CTTNBP2: variants seen among roughly 807,000 people sequenced by gnomAD.
The protein encoded by CTTNBP2 is cortactin binding protein 2, also known as cortactin-binding protein 2.
CTTNBP2 carries 108 observed loss-of-function variants against 156.9 expected under a neutral mutation model. The ratio of observed to expected loss-of-function variants is 0.69; its 90% CI spans 0.59 to 0.81. The LOEUF is 0.81. CTTNBP2 is among the 30% of genes least tolerant of loss of function. The pLI, the probability that CTTNBP2 is intolerant of heterozygous loss-of-function variation, is 0.00. For synonymous variants in CTTNBP2, 767 were observed against 751.8 expected (o/e 1.02, Z -0.33); for missense variants, 1,924 against 2,035.4 (o/e 0.95, Z 1.05).
At position 117,710,749 on chromosome 7, in the gene CTTNBP2, T is replaced by C. The variant is rs777634567; in HGVS notation, c.*788A>G. The C allele has an allele frequency of 6.7e-6, 1 of 149,822 alleles. No individual in the cohort carries two copies. Among genetic ancestry groups the C allele is most frequent in the African/African-American group, 2.5e-5 (1 of 40,438 alleles). 9.3% of individuals were successfully genotyped at this position (149,822 alleles called of 1,614,324 possible). On this transcript the variant is annotated 3_prime_UTR_variant, in exon 23 of 23. Coordinates refer to ENST00000160373, the MANE Select transcript of CTTNBP2 (RefSeq NM_033427.3). ...TTAGAAGTAACATTTGTAGAAAATA[T>C]CAATATTATCAGTTGTGCTACTAGA...
intron 8 of CTTNBP2, among the ~76,000 whole-genome samples, chr7:117,770,843 G>C (rs1163268338): frequency 2.0e-5 from 3 of 152,162 alleles, no homozygotes; most frequent in Non-Finnish European, 4.4e-5. Context: ...CCTGCTTCTG[G>C]AAATAGAGTC....
At chr7:117,801,109 G>C (rs1446062917) in intron 3 of CTTNBP2, among the ~76,000 whole-genome samples, 1 of 152,058 alleles carries the variant, frequency 6.6e-6, no homozygotes, top group East Asian at 1.9e-4. Context: ...CAAGTAAACA[G>C]GGGAGAAAGA....
intron 8 of CTTNBP2, among the ~76,000 whole-genome samples, chr7:117,772,060 C>T (rs949786680): frequency 5.3e-5 from 8 of 152,184 alleles, no homozygotes; most frequent in African/African-American, 1.9e-4. Flanking sequence ...AAGGCCAGAT[C>T]AGGAAGGGAC....
rs1180549662 is a variant in CTTNBP2, at chr7:117,846,565, GAAAAAAGAAA to G, written c.189+14634_189+14643del. 1.1e-4 allele frequency among the ~76,000 whole-genome samples: 16 copies of G among 147,994 alleles called. No individual in the cohort carries two copies. The South Asian group carries it at 1.5e-3, about 14-fold the overall frequency. ...CAGAGTCATTGTTCATGTACCAAAA[GAAAAAAGAAA>G]AAAAAAGAAATATACTTTAAAATAT... On this transcript the variant is annotated intron_variant, in intron 2 of 22. Coordinates refer to ENST00000160373, the MANE Select transcript of CTTNBP2 (RefSeq NM_033427.3).
chr7:117,720,969 T>C (rs1794757246), intron 20 of CTTNBP2, 98 bp downstream of exon 20: 1 of 817,984 alleles, frequency 1.2e-6, no homozygotes. Flanking sequence ...ATTAACATAA[T>C]AGTCATTCAA....
chr7:117,749,259 A>G (rs1796497799), intron 12 of CTTNBP2, among the ~76,000 whole-genome samples: 1 of 152,184 alleles, frequency 6.6e-6, no homozygotes, highest in Non-Finnish European at 1.5e-5. Flanking sequence ...GCAGGAAACC[A>G]GGATGTGTGG....
chr7:117,728,414 T>G, intron 16 of CTTNBP2, 147 bp from the exon 17 acceptor site: 15 of 601,626 alleles, frequency 2.5e-5, no homozygotes, highest in Non-Finnish European at 3.5e-5. Context: ...GAAGGAGGGA[T>G]AATAACACAT....
intron 2 of CTTNBP2, among the ~76,000 whole-genome samples, chr7:117,854,350 A>G (rs1352992447): frequency 6.6e-6 from 1 of 152,232 alleles, no homozygotes; most frequent in East Asian, 1.9e-4. Context: ...ACTTAGCTGA[A>G]ACCAATAAAA....
intron 20 of CTTNBP2, among the ~76,000 whole-genome samples, chr7:117,720,311 C>T (rs1794711029): frequency 6.6e-6 from 1 of 152,130 alleles, no homozygotes; most frequent in Admixed American, 6.6e-5. Flanking sequence ...TACAAACTGC[C>T]TAAACATTTC....
At chr7:117,864,707 CAT>C (rs895658556) in intron 1 of CTTNBP2, among the ~76,000 whole-genome samples, 2 of 89,830 alleles carry the variant, frequency 2.2e-5, no homozygotes, top group Admixed American at 1.0e-4. Context: ...TTCATATATT[CAT>C]ATATATTCAT....
At chr7:117,775,234 T>C (rs996259549) in intron 8 of CTTNBP2, among the ~76,000 whole-genome samples, 1 of 152,170 alleles carries the variant, frequency 6.6e-6, no homozygotes, top group Admixed American at 6.5e-5. Context: ...TTGGCAGTCA[T>C]GCCCACTTAA....
At chr7:117,801,730 T>C (rs1435431655) in intron 3 of CTTNBP2, among the ~76,000 whole-genome samples, 3 of 152,166 alleles carry the variant, frequency 2.0e-5, no homozygotes, top group South Asian at 2.1e-4. Context: ...TCTGTGTGTG[T>C]GCGCTCACGC....
At chr7:117,844,884 A>G (rs1431796714) in intron 2 of CTTNBP2, among the ~76,000 whole-genome samples, 1 of 152,166 alleles carries the variant, frequency 6.6e-6, no homozygotes, top group Non-Finnish European at 1.5e-5. Context: ...TGAAACTGAA[A>G]GCAGCTGAGA....
rs1301550777 is a variant in CTTNBP2, at chr7:117,792,582, T to G, written c.614A>C (p.Lys205Thr). 5 of 1,614,078 alleles carry G rather than the reference T, an allele frequency of 3.1e-6. No individual in the cohort carries two copies. The African/African-American group carries it at 6.7e-5, about 22-fold the overall frequency. ...GAGTTCCTCTTCTAATTCATTCGTC[T>G]TTTTCTTTTCCTCTTCCAGTTTGGC... ...VMAKLEEEKK[K>T]TNELEEELSA... is the part of the protein sequence containing the mutation. The change falls in exon 4 of 23, where the codon AAG becomes ACG. Residue 205 changes from lysine (K) to threonine (T), a missense_variant. Coordinates refer to ENST00000160373, the MANE Select transcript of CTTNBP2 (RefSeq NM_033427.3). This position sits in a 1 kb window ranked among gnomAD's most constrained non-coding sequence, Gnocchi z 4.2.
intron 19 of CTTNBP2, among the ~76,000 whole-genome samples, chr7:117,723,977 G>A (rs1381667063): frequency 2.0e-5 from 3 of 151,818 alleles, no homozygotes; most frequent in East Asian, 1.9e-4. Context: ...CTATCCACTC[G>A]TCTTGGTCTC....
intron 1 of CTTNBP2, among the ~76,000 whole-genome samples, chr7:117,872,531 C>T (rs890373430): frequency 1.2e-4 from 18 of 152,054 alleles, no homozygotes; most frequent in African/African-American, 4.3e-4. Context: ...AAACCACCAG[C>T]GAGTCTCTAC....
rs1254377231 is a variant in CTTNBP2 at position 117,760,556 on chromosome 7, C to G, written c.3051G>C (p.Leu1017=). Residue 1017 remains leucine, a synonymous_variant, in exon 10 of 23, where the codon CTG becomes CTC. Coordinates refer to ENST00000160373, the MANE Select transcript of CTTNBP2 (RefSeq NM_033427.3). ...AAGAGATTGCCTGGAAATGATTTGT[C>G]AGAGCTTGACTCACTGCTTTTGAAA... ...DDFSKAVSQA[L]TNHFQAISSD... is the part of the protein sequence containing the mutation. The G allele has an allele frequency of 6.2e-7, 1 of 1,614,028 alleles. No homozygotes were observed. The highest frequency in any genetic ancestry group is 8.5e-7 in the Non-Finnish European group (1 of 1,180,018).
At chr7:117,822,085 A>G (rs954604661) in intron 2 of CTTNBP2, among the ~76,000 whole-genome samples, 3 of 152,178 alleles carry the variant, frequency 2.0e-5, no homozygotes, top group Non-Finnish European at 4.4e-5. Flanking sequence ...AAATAGAATC[A>G]AGGCTATTTG....
At chr7:117,795,828 C>T (rs35154668) in intron 3 of CTTNBP2, among the ~76,000 whole-genome samples, 1,700 of 152,188 alleles carry the variant, frequency 0.011, 35 homozygotes, top group African/African-American at 0.039. Flanking sequence ...AAAAGTTTAC[C>T]GCAGAGAGCA....
Sources: gnomAD v4.1 joint callset for allele counts (sites outside exome capture counted in the v4.1 genomes callset) on GRCh38, gnomAD v4.1.1 for gene constraint, Gnocchi (gnomAD v3.1) non-coding constraint, MANE v1.5 for transcripts, NCBI Gene and HGNC (gene_info 2026-07-23, HGNC 2026-07-21) for gene names.